The following PRKN variants were observed in gnomAD, a reference collection of about 807,000 sequenced individuals.
The protein encoded by PRKN is parkin RBR E3 ubiquitin protein ligase.
In PRKN, 56 loss-of-function variants were observed where a neutral mutation model predicts 59.5. The ratio of observed to expected loss-of-function variants is 0.94; its 90% confidence interval spans 0.76 to 1.18. The LOEUF (loss-of-function observed/expected upper bound fraction) is 1.18, where lower values mean the gene tolerates loss of function less well. Ranked by LOEUF, PRKN falls within the 50% of genes most tolerant of loss-of-function variation. The pLI, the probability that PRKN is intolerant of heterozygous loss-of-function variation, is 0.00. For missense variants in PRKN, 657 were observed against 596.4 expected, an observed-to-expected ratio of 1.10 and a Z score of -1.06; for synonymous variants, 250 against 222.1, an observed-to-expected ratio of 1.13 and a Z score of -1.12.
At chr6:162,649,787 T>C (rs1487663288) in intron 1 of PRKN, among the ~76,000 whole-genome samples, 9 of 152,158 alleles carry the variant, frequency 5.9e-5, no homozygotes, top group Admixed American at 5.9e-4. Context: ...AGCCCTTCAG[T>C]AAAGTGCATG....
chr6:161,795,552 C>A (rs1790811962), intron 6 of PRKN, among the ~76,000 whole-genome samples: 3 of 152,014 alleles, frequency 2.0e-5, no homozygotes. Flanking sequence ...TGTTTTCTAC[C>A]TGCTTTATGA....
chr6:162,552,821 A>G (rs1473057851), intron 1 of PRKN, among the ~76,000 whole-genome samples: 1 of 152,098 alleles, frequency 6.6e-6, no homozygotes. Context: ...CAACCTTCAG[A>G]AGTTGTTCAG....
chr6:161,518,618 C>T lies in PRKN; in HGVS notation c.1083+30236G>A, dbSNP rs183164611. On this transcript the variant is annotated intron_variant, in intron 9 of 11. Coordinates refer to ENST00000366898, the MANE Select transcript of PRKN (RefSeq NM_004562.3). The surrounding 1 kb of genome is among the most constrained non-coding windows in gnomAD (Gnocchi z 5.0). ...TTCAATGTTAATGCCACGGCCTCCC[C>T]CTAGCAGCACAAGCCCAGCCTCCGC... Among the ~76,000 whole-genome samples, 216 of 152,336 alleles carry T rather than the reference C, an allele frequency of 1.4e-3. 1 individual carries two copies. The highest frequency in any genetic ancestry group is 0.014 in the Admixed American group (213 of 15,304).
chr6:161,432,994 C>A (rs1300808851), intron 9 of PRKN, among the ~76,000 whole-genome samples: 1 of 152,026 alleles, frequency 6.6e-6, no homozygotes, highest in Non-Finnish European at 1.5e-5. Flanking sequence ...GGTAAATCAG[C>A]GTGCCAATAA....
intron 1 of PRKN, among the ~76,000 whole-genome samples, chr6:162,641,240 C>G (rs149400400): frequency 2.5e-3 from 377 of 152,152 alleles, no homozygotes; most frequent in African/African-American, 8.6e-3. Flanking sequence ...ACCCATGAAA[C>G]AAACCCAATT....
intron 1 of PRKN, among the ~76,000 whole-genome samples, chr6:162,616,806 A>G (rs1223972073): frequency 6.6e-6 from 1 of 152,204 alleles, no homozygotes; most frequent in African/African-American, 2.4e-5. Context: ...TCGCAATATA[A>G]TCGAGAAATG....
At chr6:162,686,940 C>A (rs1368734221) in intron 1 of PRKN, among the ~76,000 whole-genome samples, 1 of 152,060 alleles carries the variant, frequency 6.6e-6, no homozygotes, top group African/African-American at 2.4e-5. Flanking sequence ...AGTTCGAAGT[C>A]AGGAAATGTG....
intron 3 of PRKN, among the ~76,000 whole-genome samples, chr6:162,242,597 T>G (rs2128092209): frequency 6.6e-6 from 1 of 152,250 alleles, no homozygotes; most frequent in African/African-American, 2.4e-5. Context: ...TGCAAAAATA[T>G]TTTGATAACA....
chr6:162,359,516 T>G (rs1375913563), intron 2 of PRKN, among the ~76,000 whole-genome samples: 1 of 152,020 alleles, frequency 6.6e-6, no homozygotes, highest in Admixed American at 6.6e-5. Flanking sequence ...CTCCTCAGTA[T>G]TTTCTCAAAA....
At chr6:161,834,268 T>C (rs1792644018) in intron 6 of PRKN, among the ~76,000 whole-genome samples, 1 of 152,070 alleles carries the variant, frequency 6.6e-6, no homozygotes, top group African/African-American at 2.4e-5. Context: ...CACAGCCAAA[T>C]AATCCCCCTC....
chr6:161,947,556 TC>T (rs1312883549), intron 6 of PRKN, among the ~76,000 whole-genome samples: 4 of 152,120 alleles, frequency 2.6e-5, no homozygotes, highest in Non-Finnish European at 5.9e-5. Flanking sequence ...CTCACCTCCC[TC>T]CTTCACACCT....
chr6:161,799,515 T>C (rs9458378), intron 6 of PRKN, among the ~76,000 whole-genome samples: 4,342 of 152,280 alleles, frequency 0.029, 210 homozygotes, highest in African/African-American at 0.1. Flanking sequence ...CACCCAATAC[T>C]TGCGACTTCC....
At chr6:162,068,577 T>G (rs1778437240) in intron 4 of PRKN, among the ~76,000 whole-genome samples, 1 of 152,204 alleles carries the variant, frequency 6.6e-6, no homozygotes, top group Admixed American at 6.5e-5. Context: ...GGCCTCGGCT[T>G]TCTGCTGCCT....
Position 161,646,471 on chromosome 6 carries a change from T to C in PRKN, c.872-77055A>G, listed in dbSNP as rs543378483. Among the ~76,000 whole-genome samples the C allele has an allele frequency of 3.6e-5, 4 of 111,452 alleles. 1 individual carries two copies. Among genetic ancestry groups the C allele is most frequent in the East Asian group, 2.6e-4 (1 of 3,874 alleles). The allele number at this position is 111,452 out of a possible 152,430, so 73.1% of individuals were successfully genotyped here. A position where few individuals can be genotyped will look rare whatever the true frequency, so the allele number is the denominator to read the frequency against. On this transcript the variant is annotated intron_variant, in intron 7 of 11. Transcript: ENST00000366898. Reference sequence around the variant, plus strand: ...GGAGGAGGCGGCGTATTAGTGACAGTGGTGACTGCGTGTGCATGCGTGGTG... The same window carrying C: ...GGAGGAGGCGGCGTATTAGTGACAGCGGTGACTGCGTGTGCATGCGTGGTG...
intron 7 of PRKN, among the ~76,000 whole-genome samples, chr6:161,719,775 C>T (rs539286043): frequency 2.0e-4 from 30 of 152,174 alleles, no homozygotes; most frequent in Non-Finnish European, 3.8e-4. Context: ...TACAGACATG[C>T]ACCACCATGT....
Position 162,397,031 on chromosome 6 carries a change from G to GA in PRKN, c.171+46278dup, listed in dbSNP as rs201468503. On this transcript the variant is annotated intron_variant, in intron 2 of 11. Transcript: ENST00000366898. ...GTGGTGTTGGAGATAGTATGCAACCGAGGACAGCGCAATAAGGGTCACTCC... is the reference window on the plus strand; with the variant it reads ...GTGGTGTTGGAGATAGTATGCAACCGAAGGACAGCGCAATAAGGGTCACTCC... Among the ~76,000 whole-genome samples, 5 of 152,234 alleles carry GA rather than the reference G, an allele frequency of 3.3e-5. No homozygotes were observed. The East Asian group carries it at 9.7e-4, about 30-fold the overall frequency.
chr6:162,125,621 C>T (rs974433131), intron 4 of PRKN, among the ~76,000 whole-genome samples: 1 of 152,152 alleles, frequency 6.6e-6, no homozygotes, highest in African/African-American at 2.4e-5. Context: ...CTACTCACAA[C>T]CCGTCACTTA....
At chr6:161,734,033 A>G (rs1583073269) in intron 7 of PRKN, among the ~76,000 whole-genome samples, 1 of 151,418 alleles carries the variant, frequency 6.6e-6, no homozygotes. Flanking sequence ...AAAGAACACA[A>G]CACAACAAAG....
At chr6:162,410,295 C>T (rs968052834) in intron 2 of PRKN, among the ~76,000 whole-genome samples, 105 of 152,182 alleles carry the variant, frequency 6.9e-4, no homozygotes, top group African/African-American at 2.5e-3. Context: ...AAGAGATCCT[C>T]AGTTCCCCAC....
Sources: allele counts gnomAD v4.1 joint callset (sites outside exome capture counted in the v4.1 genomes callset), GRCh38; gene constraint gnomAD v4.1.1; non-coding constraint Gnocchi (gnomAD v3.1); transcripts MANE v1.5; gene names NCBI Gene and HGNC (gene_info 2026-07-23, HGNC 2026-07-21).